The following BICD1 variants were observed in gnomAD, a reference collection of about 807,000 sequenced individuals.
BICD1 encodes the protein protein bicaudal D homolog 1.
Under a neutral mutation model 92.5 loss-of-function variants are expected in BICD1, and 35 were observed. The observed-to-expected ratio is 0.38, with a 90% CI of 0.29 to 0.50. The LOEUF (loss-of-function observed/expected upper bound fraction) is 0.50. Ranked by LOEUF, BICD1 falls within the 20% of genes least tolerant of loss-of-function variation. The pLI is 0.93. For synonymous variants in BICD1, 429 were observed against 465.1 expected (o/e 0.92, Z 1.00); for missense variants, 950 against 1,189.8 (o/e 0.80, Z 2.97).
chr12:32,333,687 A>C (rs1937979402), intron 5 of BICD1, among the ~76,000 whole-genome samples: 1 of 152,208 alleles, frequency 6.6e-6, no homozygotes, highest in Non-Finnish European at 1.5e-5. Context: ...ACTGTGTGCT[A>C]TGCATCAAAC....
Position 32,346,006 on chromosome 12 carries a change from G to C in BICD1, c.2764+7027G>C, listed in dbSNP as rs1163734587. ...TCTACAAAAAATAAAAAGATTATTC[G>C]GGCATAGTGGCATGCGCCTGTACTC... On this transcript the variant is annotated intron_variant, in intron 8 of 9. Coordinates refer to ENST00000652176, the MANE Select transcript of BICD1 (RefSeq NM_001714.4). 2.6e-5 allele frequency among the ~76,000 whole-genome samples: 4 copies of C among 151,380 alleles called. No homozygotes were observed. In the South Asian group the frequency reaches 8.4e-4, roughly 32 times the overall value.
intron 1 of BICD1, among the ~76,000 whole-genome samples, chr12:32,133,980 A>G (rs986945924): frequency 3.9e-5 from 6 of 152,156 alleles, no homozygotes; most frequent in Admixed American, 2.0e-4. Context: ...ACGGGGTTTC[A>G]CTGTGTTGGC....
At chr12:32,320,092 T>C (rs1221442610) in intron 4 of BICD1, among the ~76,000 whole-genome samples, 1 of 152,202 alleles carries the variant, frequency 6.6e-6, no homozygotes, top group Non-Finnish European at 1.5e-5. Context: ...AGATATGCAT[T>C]ATCAGAGTTG....
In BICD1 at chr12:32,365,105, C is replaced by T. The variant is rs148690403; in HGVS notation, c.2765-2565C>T. Among the ~76,000 whole-genome samples, 917 of 151,996 alleles carry T rather than the reference C, an allele frequency of 6.0e-3. 2 individuals are homozygous for T. Among genetic ancestry groups the T allele is most frequent in the Non-Finnish European group, 0.01 (701 of 67,972 alleles). ...ACAAACAATTAGCTGGGCGTGGTGG[C>T]GCACGCTTGTAATCCCAACTACTCG... On this transcript the variant is annotated intron_variant, in intron 8 of 9. Coordinates refer to ENST00000652176, the MANE Select transcript of BICD1 (RefSeq NM_001714.4).
rs1211538455 is a variant in BICD1, at chr12:32,246,035, A to G, written c.426+29576A>G. On this transcript the variant is annotated intron_variant, in intron 2 of 9. Transcript: ENST00000652176. The stretch of plus-strand genomic sequence containing the variant: ...ATAGAATGATACTCTGTCTCAAAAA[A>G]AAAAAAAAAAAAAAAAAAAGGAAAA... 8.9e-5 allele frequency among the ~76,000 whole-genome samples: 13 copies of G among 146,466 alleles called. No homozygotes were observed. The South Asian group carries it at 1.1e-3, about 12-fold the overall frequency.
chr12:32,370,094 C>T (rs1261721634), intron 9 of BICD1, among the ~76,000 whole-genome samples: 3 of 151,684 alleles, frequency 2.0e-5, no homozygotes, highest in Non-Finnish European at 2.9e-5. Context: ...ATAGGTCAGG[C>T]GTGGTGGCGC....
At chr12:32,344,537 CAT>C (rs771175830) in intron 8 of BICD1, among the ~76,000 whole-genome samples, 1 of 152,096 alleles carries the variant, frequency 6.6e-6, no homozygotes, top group Non-Finnish European at 1.5e-5. Context: ...TACAGAGACT[CAT>C]AAAATATGCA....
chr12:32,319,082 C>T (rs1388954362), intron 4 of BICD1, among the ~76,000 whole-genome samples: 1 of 152,144 alleles, frequency 6.6e-6, no homozygotes, highest in Non-Finnish European at 1.5e-5. Flanking sequence ...AGCACGTCAT[C>T]TGCAAATAAA....
intron 5 of BICD1, among the ~76,000 whole-genome samples, chr12:32,329,564 T>TG: frequency 6.6e-6 from 1 of 152,184 alleles, no homozygotes; most frequent in Non-Finnish European, 1.5e-5. Context: ...TTAAATAGTT[T>TG]GGGGCCACTT....
At chr12:32,165,755 G>A (rs1045060002) in intron 1 of BICD1, among the ~76,000 whole-genome samples, 2 of 151,768 alleles carry the variant, frequency 1.3e-5, no homozygotes, top group African/African-American at 4.8e-5. Context: ...TTGGTTTTAG[G>A]CAACGAAACC....
At chr12:32,295,094 A>AAG (rs138020054) in intron 3 of BICD1, among the ~76,000 whole-genome samples, 17,695 of 149,308 alleles carry the variant, frequency 0.12, 1,282 homozygotes, top group East Asian at 0.21. Flanking sequence ...AAAAAAAAAA[A>AAG]AAAAAGAAAA....
At position 32,161,671 on chromosome 12, in the gene BICD1, T is replaced by G. The variant is rs886629122; in HGVS notation, c.213+54127T>G. 2.6e-5 allele frequency among the ~76,000 whole-genome samples: 4 copies of G among 152,302 alleles called. No homozygotes were observed. The East Asian group carries it at 7.7e-4, about 29-fold the overall frequency. On this transcript the variant is annotated intron_variant, in intron 1 of 9. Transcript: ENST00000652176. ...GAAGCAGGCAGAACTTGAAGAGCAA[T>G]CAGAGATTGTAAATATAATCAGAAT...
At chr12:32,219,626 A>G (rs775974622) in intron 2 of BICD1, among the ~76,000 whole-genome samples, 3 of 152,178 alleles carry the variant, frequency 2.0e-5, no homozygotes, top group Non-Finnish European at 4.4e-5. Context: ...CTCTGAATTT[A>G]TCACCTCAAA....
At chr12:32,189,334 C>T (rs1944502985) in intron 1 of BICD1, among the ~76,000 whole-genome samples, 1 of 152,208 alleles carries the variant, frequency 6.6e-6, no homozygotes, top group Admixed American at 6.5e-5. Flanking sequence ...CTCACCATCT[C>T]CTGAGCTTCA....
intron 4 of BICD1, among the ~76,000 whole-genome samples, chr12:32,309,994 G>A (rs1286261971): frequency 6.6e-6 from 1 of 152,014 alleles, no homozygotes. Flanking sequence ...ACACTGCATG[G>A]GAGAGGCCGC....
At chr12:32,245,452 G>T (rs1161663927) in intron 2 of BICD1, among the ~76,000 whole-genome samples, 1 of 152,094 alleles carries the variant, frequency 6.6e-6, no homozygotes, top group Non-Finnish European at 1.5e-5. Context: ...CCAGGACTAA[G>T]ATCAAGTGAT....
chr12:32,237,132 G>A (rs528743285), intron 2 of BICD1, among the ~76,000 whole-genome samples: 17 of 151,996 alleles, frequency 1.1e-4, no homozygotes, highest in African/African-American at 2.9e-4. Context: ...TGCCCGCCTC[G>A]GCCTCCCAAA....
intron 1 of BICD1, among the ~76,000 whole-genome samples, chr12:32,175,686 T>A (rs1364888879): frequency 6.6e-6 from 1 of 152,222 alleles, no homozygotes; most frequent in Non-Finnish European, 1.5e-5. Flanking sequence ...AATTTTTTCC[T>A]TAACTTTTTA....
intron 1 of BICD1, among the ~76,000 whole-genome samples, chr12:32,154,038 A>G (rs1943366075): frequency 6.6e-6 from 1 of 151,924 alleles, no homozygotes; most frequent in African/African-American, 2.4e-5. Context: ...GCAGACGGGA[A>G]AGGGACTCTC....
Sources: allele counts gnomAD v4.1 joint callset (sites outside exome capture counted in the v4.1 genomes callset), GRCh38; gene constraint gnomAD v4.1.1; transcripts MANE v1.5; gene names NCBI Gene and HGNC (gene_info 2026-07-23, HGNC 2026-07-21).